The following JAKMIP3 variants were observed in gnomAD, a reference collection of about 807,000 sequenced individuals.
JAKMIP3 encodes the protein Janus kinase and microtubule interacting protein 3, also known as janus kinase and microtubule-interacting protein 3.
A neutral mutation model predicts 118.5 loss-of-function variants in JAKMIP3; 58 were observed. The ratio of observed to expected loss-of-function variants is 0.49; its 90% CI spans 0.40 to 0.61. The LOEUF (loss-of-function observed/expected upper bound fraction) is 0.61, where lower values mean the gene tolerates loss of function less well. Ranked by LOEUF, JAKMIP3 falls within the 20% of genes least tolerant of loss-of-function variation. JAKMIP3 has a pLI of 0.00. For synonymous variants in JAKMIP3, 486 were observed against 451.2 expected, an observed-to-expected ratio of 1.08 and a Z score of -0.98; for missense variants, 950 against 1,109.0, an observed-to-expected ratio of 0.86 and a Z score of 2.04.
intron 1 of JAKMIP3, among the ~76,000 whole-genome samples, chr10:132,103,675 G>A (rs2045463411): frequency 6.6e-6 from 1 of 152,076 alleles, no homozygotes; most frequent in Non-Finnish European, 1.5e-5. Context: ...GGAGATCACT[G>A]ATTGCCTACA....
Position 132,071,896 on chromosome 10 carries a change from T to TTTCTTTCTTTC in JAKMIP3, c.-138+5835_-138+5836insTTCTTTCTTTC, listed in dbSNP as rs1564866359. Reference sequence around the variant, plus strand: ...CTTTCCTTCCTTTCTTTCTTTCCTTTCTTTCTTCCCTTCCTTCCTTCCTTT... The same window carrying TTTCTTTCTTTC: ...CTTTCCTTCCTTTCTTTCTTTCCTTTTTCTTTCTTTCCTTTCTTCCCTTCCTTCCTTCCTTT... On this transcript the variant is annotated intron_variant, in intron 1 of 23. Transcript: ENST00000684848. Among the ~76,000 whole-genome samples the TTTCTTTCTTTC allele has an allele frequency of 2.5e-4, 17 of 68,852 alleles. No homozygotes were observed. In the East Asian group the frequency reaches 5.2e-3, roughly 21 times the overall value. The allele number at this position is 68,852 out of a possible 152,430, so 45.2% of individuals were successfully genotyped here. A position where few individuals can be genotyped will look rare whatever the true frequency, so the allele number is the denominator to read the frequency against.
chr10:132,171,808 C>T (rs9419386), intron 23 of JAKMIP3, among the ~76,000 whole-genome samples: 76,072 of 151,628 alleles, frequency 0.5, 20,245 homozygotes, highest in East Asian at 0.9. Context: ...GCAGGCACCA[C>T]CACACTCAGC....
chr10:132,083,715 A>G (rs1433794720), intron 1 of JAKMIP3, among the ~76,000 whole-genome samples: 8 of 152,166 alleles, frequency 5.3e-5, no homozygotes, highest in Admixed American at 5.2e-4. Flanking sequence ...TGTATAGGGT[A>G]AGAGATGAGG....
chr10:132,153,902 C>T lies in JAKMIP3; in HGVS notation c.2143-11C>T, dbSNP rs200058910. On this transcript the variant is annotated splice_polypyrimidine_tract_variant and intron_variant, in intron 18 of 23. Coordinates refer to ENST00000684848, the MANE Select transcript of JAKMIP3 (RefSeq NM_001323087.2). ...CATCCGAGACCGAGGCATGGCCCTC[C>T]TGTGTTTCAGGAGCTGTTCAGTAAG... 67 of 1,613,078 alleles carry T rather than the reference C, an allele frequency of 4.2e-5. No homozygotes were observed. In the African/African-American group the frequency reaches 8.8e-4, roughly 21 times the overall value.
At chr10:132,048,662 C>CTT (rs1366816957) in intron 1 of JAKMIP3, among the ~76,000 whole-genome samples, 1 of 99,322 alleles carries the variant, frequency 1.0e-5, no homozygotes, top group Admixed American at 1.2e-4. Context: ...TTGACTGTTT[C>CTT]TTTTCTTTTT....
chr10:132,050,152 A>G (rs1207665030), intron 1 of JAKMIP3, among the ~76,000 whole-genome samples: 1 of 151,956 alleles, frequency 6.6e-6, no homozygotes, highest in African/African-American at 2.4e-5. Context: ...TGGAGGACTG[A>G]TGTTTTCAAT....
At position 132,117,683 on chromosome 10, in the gene JAKMIP3, C is replaced by T. The variant is rs1010976388; in HGVS notation, c.633+109C>T. On this transcript the variant is annotated intron_variant, in intron 3 of 23. Transcript: ENST00000684848. The surrounding 1 kb of genome is among the most constrained non-coding windows in gnomAD (Gnocchi z 8.6). ...TGCAGGCGTGGGCTCGGGGAGCACGCGGGCAGCACCGGCTTCACCCCCCAT... is the reference window on the plus strand; with the variant it reads ...TGCAGGCGTGGGCTCGGGGAGCACGTGGGCAGCACCGGCTTCACCCCCCAT... 1.4e-5 allele frequency: 17 copies of T among 1,195,352 alleles called. No individual in the cohort carries two copies. Among genetic ancestry groups the T allele is most frequent in the Admixed American group, 1.1e-4 (3 of 26,236 alleles). The allele number at this position is 1,195,352 out of a possible 1,614,324, so 74.0% of individuals were successfully genotyped here. A position where few individuals can be genotyped will look rare whatever the true frequency, so the allele number is the denominator to read the frequency against.
chr10:132,122,263 C>T (rs1222712423), intron 3 of JAKMIP3, among the ~76,000 whole-genome samples: 1 of 151,734 alleles, frequency 6.6e-6, no homozygotes, highest in Non-Finnish European at 1.5e-5. Flanking sequence ...GCCCCCCGGT[C>T]GGCTCCCCGG....
Position 132,135,803 on chromosome 10 carries a change from C to T in JAKMIP3, c.970-127C>T, listed in dbSNP as rs565236885. 1.5e-5 allele frequency: 16 copies of T among 1,036,438 alleles called. No individual in the cohort carries two copies. The South Asian group carries it at 2.7e-4, about 18-fold the overall frequency. 64.2% of individuals were successfully genotyped at this position (1,036,438 alleles called of 1,614,324 possible). A position where few individuals can be genotyped will look rare whatever the true frequency, so the allele number is the denominator to read the frequency against. On this transcript the variant is annotated intron_variant, in intron 5 of 23. Coordinates refer to ENST00000684848, the MANE Select transcript of JAKMIP3 (RefSeq NM_001323087.2). ...AGTGGGCACCACTTGGAGGCGTGGA[C>T]TTCCCAAGTAGAGGGCTGGGGACTG...
At chr10:132,129,967 G>C (rs1247700313) in intron 3 of JAKMIP3, among the ~76,000 whole-genome samples, 1 of 150,364 alleles carries the variant, frequency 6.7e-6, no homozygotes, top group African/African-American at 2.5e-5. Context: ...GGTATTGGCA[G>C]ATTATCCCAT....
intron 1 of JAKMIP3, among the ~76,000 whole-genome samples, chr10:132,073,763 G>A (rs2040350030): frequency 6.6e-6 from 1 of 152,096 alleles, no homozygotes; most frequent in Admixed American, 6.5e-5. Flanking sequence ...CTTCCAAAGT[G>A]CTAGGATTAC....
intron 9 of JAKMIP3, among the ~76,000 whole-genome samples, chr10:132,140,157 A>G (rs2053191289): frequency 1.3e-5 from 2 of 152,230 alleles, no homozygotes; most frequent in Admixed American, 1.3e-4. Flanking sequence ...TACCACCCTC[A>G]GGGAACCGCA....
intron 23 of JAKMIP3, among the ~76,000 whole-genome samples, chr10:132,174,934 T>A (rs2060013244): frequency 6.6e-6 from 1 of 152,208 alleles, no homozygotes; most frequent in Admixed American, 6.5e-5. Flanking sequence ...TCAGATCATT[T>A]GCCCATTTTT....
At chr10:132,102,810 T>C (rs2045196240) in intron 1 of JAKMIP3, among the ~76,000 whole-genome samples, 1 of 152,166 alleles carries the variant, frequency 6.6e-6, no homozygotes, top group Non-Finnish European at 1.5e-5. Context: ...AGGGCCCATG[T>C]CCAAGTCTCC....
chr10:132,123,551 TTGGGGG>T (rs2048926241), intron 3 of JAKMIP3, among the ~76,000 whole-genome samples: 1 of 152,164 alleles, frequency 6.6e-6, no homozygotes, highest in African/African-American at 2.4e-5. Context: ...AAGTGCTATT[TTGGGGG>T]TAGGGGTAGG....
Position 132,048,708 on chromosome 10 carries a change from A to AGGCTAGAG in JAKMIP3, c.-138+11971_-138+11978dup, listed in dbSNP as rs1441333473. On this transcript the variant is annotated intron_variant, in intron 1 of 23. Coordinates refer to the JAKMIP3 transcript ENST00000657785. ...GAGATGGAGTCTTGCTCTGTCACCC[A>AGGCTAGAG]GGCTAGAGTGCTCCGCCTCCCGGGT... 1.3e-4 allele frequency among the ~76,000 whole-genome samples: 18 copies of AGGCTAGAG among 133,572 alleles called. No individual in the cohort carries two copies. The Admixed American group carries it at 1.6e-3, about 12-fold the overall frequency. 87.6% of individuals were successfully genotyped at this position (133,572 alleles called of 152,430 possible). A position where few individuals can be genotyped will look rare whatever the true frequency, so the allele number is the denominator to read the frequency against.
intron 3 of JAKMIP3, among the ~76,000 whole-genome samples, chr10:132,120,417 T>A (rs2048359203): frequency 6.6e-6 from 1 of 152,194 alleles, no homozygotes; most frequent in Admixed American, 6.5e-5. Context: ...GCTGCTGGGA[T>A]GCACTTCCTT....
rs2052727595 is a variant in JAKMIP3, at chr10:132,139,252, G to GTA, written c.1344+1075_1344+1076insAT. Among the ~76,000 whole-genome samples the GTA allele has an allele frequency of 3.1e-5, 4 of 127,736 alleles. No individual in the cohort carries two copies. In the South Asian group the frequency reaches 9.8e-4, roughly 31 times the overall value. The allele number at this position is 127,736 out of a possible 152,430, so 83.8% of individuals were successfully genotyped here. On this transcript the variant is annotated intron_variant, in intron 9 of 23. Transcript: ENST00000684848. The stretch of plus-strand genomic sequence containing the variant: ...AGTGTATATGCATCTGTGTGTGTAT[G>GTA]TGTGTGTGTGTATGTGTGTACATGT...
At chr10:132,109,009 GTATA>G (rs926394325) in intron 2 of JAKMIP3, among the ~76,000 whole-genome samples, 3 of 144,760 alleles carry the variant, frequency 2.1e-5, no homozygotes, top group Admixed American at 6.9e-5. Context: ...ACACGCAAAT[GTATA>G]TATGTATACA....
Sources: gnomAD v4.1 joint callset for allele counts (sites outside exome capture counted in the v4.1 genomes callset) on GRCh38, gnomAD v4.1.1 for gene constraint, Gnocchi (gnomAD v3.1) non-coding constraint, MANE v1.5 for transcripts, NCBI Gene and HGNC (gene_info 2026-07-23, HGNC 2026-07-21) for gene names.